The following XKR9 variants were observed in gnomAD, a reference collection of about 807,000 sequenced individuals.
XKR9 encodes XK related 9.
A neutral mutation model predicts 32.0 loss-of-function variants in XKR9; 32 were observed. The ratio of observed to expected loss-of-function variants is 1.00; its 90% CI spans 0.76 to 1.34. The LOEUF is 1.34. Among genes scored for constraint, XKR9 ranks in the 40% most tolerant of loss-of-function variants. XKR9 has a pLI of 0.00. For missense variants in XKR9, 546 were observed against 429.7 expected (o/e 1.27, Z -2.39); for synonymous variants, 168 against 143.4 (o/e 1.17, Z -1.22).
the XKR9 span, among the ~76,000 whole-genome samples, chr8:70,978,751 C>T: frequency 6.6e-6 from 1 of 152,058 alleles, no homozygotes; most frequent in African/African-American, 2.4e-5. Context: ...GTGTGGTATT[C>T]TCTGTATTTC....
chr8:70,879,464 G>A, the XKR9 span, among the ~76,000 whole-genome samples: 1 of 152,112 alleles, frequency 6.6e-6, no homozygotes, highest in Non-Finnish European at 1.5e-5. Flanking sequence ...AATAAAAAAT[G>A]ATAAAAGGGA....
intron 4 of XKR9, among the ~76,000 whole-genome samples, chr8:70,718,955 T>A (rs1363824044): frequency 6.6e-6 from 1 of 152,190 alleles, no homozygotes; most frequent in African/African-American, 2.4e-5. Flanking sequence ...CATTCTTATT[T>A]CTCCAGATAC....
At chr8:70,747,519 G>T (rs752444427) in intron 2 of XKR9, among the ~76,000 whole-genome samples, 5 of 152,218 alleles carry the variant, frequency 3.3e-5, no homozygotes, top group Admixed American at 6.5e-5. Flanking sequence ...GGGATGCCCT[G>T]TGTGGCCTTG....
the XKR9 span, among the ~76,000 whole-genome samples, chr8:70,819,454 C>G: frequency 6.6e-6 from 1 of 152,084 alleles, no homozygotes; most frequent in Non-Finnish European, 1.5e-5. Flanking sequence ...CCAATGTGTC[C>G]ACTAGTGTTT....
chr8:70,854,985 G>A, the XKR9 span, among the ~76,000 whole-genome samples: 1 of 152,130 alleles, frequency 6.6e-6, no homozygotes, highest in Non-Finnish European at 1.5e-5. Context: ...TTTTGGCTTA[G>A]GATTGACTTG....
chr8:71,061,097 AG>A, the XKR9 span, among the ~76,000 whole-genome samples: 1 of 152,190 alleles, frequency 6.6e-6, no homozygotes, highest in African/African-American at 2.4e-5. Context: ...AAGTAAAATG[AG>A]GCACAAAGAA....
chr8:70,748,880 T>C (rs1051315903), intron 2 of XKR9, among the ~76,000 whole-genome samples: 2 of 147,230 alleles, frequency 1.4e-5, no homozygotes, highest in Non-Finnish European at 3.0e-5. Flanking sequence ...GACTCAGACA[T>C]TGGGACTACA....
chr8:70,941,674 GA>G, the XKR9 span, among the ~76,000 whole-genome samples: 2 of 152,120 alleles, frequency 1.3e-5, no homozygotes, highest in Admixed American at 6.5e-5. Context: ...ATTAAAACTA[GA>G]TATAGAAGTG....
At chr8:70,852,825 A>G in the XKR9 span, among the ~76,000 whole-genome samples, 62 of 152,236 alleles carry the variant, frequency 4.1e-4, no homozygotes, top group Non-Finnish European at 6.3e-4. Flanking sequence ...AGGGAGGGGA[A>G]GATCACATTC....
At chr8:70,739,055 A>T (rs940455444), downstream of XKR9, among the ~76,000 whole-genome samples, 3 of 138,910 alleles carry the variant, frequency 2.2e-5, no homozygotes, top group African/African-American at 5.0e-5. Flanking sequence ...GATCTGTCTA[A>T]TGTTGACAAT....
the XKR9 span, among the ~76,000 whole-genome samples, chr8:70,845,279 A>G: frequency 1.3e-5 from 2 of 152,242 alleles, no homozygotes; most frequent in East Asian, 3.8e-4. Context: ...TTAAATCTTC[A>G]GGAAAAAGTC....
In XKR9 at chr8:70,706,920, G is replaced by T. The variant is rs2132176564; in HGVS notation, c.273-13G>T. ...TATAAAACTAAAGAGAAATGTTTAT[G>T]TTTACTTTATAGGTATTGGTTTGCC... On this transcript the variant is annotated splice_polypyrimidine_tract_variant and intron_variant, in intron 3 of 4. Coordinates refer to ENST00000408926, the MANE Select transcript of XKR9 (RefSeq NM_001011720.2). 6.3e-7 allele frequency: 1 copy of T among 1,584,282 alleles called. No individual in the cohort carries two copies. The highest frequency in any genetic ancestry group is 1.4e-5 in the African/African-American group (1 of 73,760).
At chr8:70,701,553 C>T (rs1805535564) in intron 3 of XKR9, among the ~76,000 whole-genome samples, 1 of 152,092 alleles carries the variant, frequency 6.6e-6, no homozygotes. Context: ...ATTTTTAGTT[C>T]AGGAAGTGGC....
intron 4 of XKR9, among the ~76,000 whole-genome samples, chr8:70,722,458 T>C (rs1806315583): frequency 6.6e-6 from 1 of 152,228 alleles, no homozygotes; most frequent in South Asian, 2.1e-4. Context: ...CCATATTTAG[T>C]GCTTCCTTCA....
the XKR9 span, among the ~76,000 whole-genome samples, chr8:70,873,640 G>A: frequency 6.6e-6 from 1 of 152,216 alleles, no homozygotes; most frequent in Non-Finnish European, 1.5e-5. Context: ...AACTTGAAAG[G>A]ATGAGGAGTT....
At chr8:71,050,628 T>A in the XKR9 span, among the ~76,000 whole-genome samples, 1 of 152,026 alleles carries the variant, frequency 6.6e-6, no homozygotes, top group African/African-American at 2.4e-5. Flanking sequence ...GGGGTGGATA[T>A]GGGATGTGAG....
At chr8:70,863,134 A>C in the XKR9 span, among the ~76,000 whole-genome samples, 2 of 152,194 alleles carry the variant, frequency 1.3e-5, no homozygotes, top group Non-Finnish European at 2.9e-5. Context: ...GGCTATGTTA[A>C]GCACTTTGCT....
the XKR9 span, among the ~76,000 whole-genome samples, chr8:70,965,286 G>A: frequency 3.3e-5 from 5 of 152,140 alleles, no homozygotes; most frequent in African/African-American, 1.2e-4. Context: ...CTTGCATCCT[G>A]GGGATGAAGG....
intron 2 of XKR9, among the ~76,000 whole-genome samples, chr8:70,773,918 A>T (rs1428700145): frequency 6.6e-6 from 1 of 152,172 alleles, no homozygotes; most frequent in African/African-American, 2.4e-5. Context: ...AAAAGTATGG[A>T]GATTTAAAAT....
Sources: allele counts gnomAD v4.1 joint callset (sites outside exome capture counted in the v4.1 genomes callset), GRCh38; gene constraint gnomAD v4.1.1; transcripts MANE v1.5; gene names NCBI Gene and HGNC (gene_info 2026-07-23, HGNC 2026-07-21).